The following IQCH variants were observed in gnomAD, a reference collection of about 807,000 sequenced individuals.
IQCH encodes the protein IQ domain-containing protein H.
A neutral mutation model predicts 117.0 loss-of-function variants in IQCH; 98 were observed. The ratio of observed to expected loss-of-function variants is 0.84; its 90% CI spans 0.71 to 0.99. IQCH has a LOEUF of 0.99. IQCH is among the 50% of genes least tolerant of loss of function. IQCH has a pLI of 0.00. For missense variants in IQCH, 1,102 were observed against 1,243.8 expected (o/e 0.89, Z 1.72); for synonymous variants, 412 against 448.2 (o/e 0.92, Z 1.02).
At chr15:67,267,645 C>T in intron 3 of IQCH, among the ~76,000 whole-genome samples, 1 of 152,116 alleles carries the variant, frequency 6.6e-6, no homozygotes, top group Non-Finnish European at 1.5e-5. Context: ...TATCAGAGGC[C>T]AAAAGTCCCA....
chr15:67,278,206 A>G (rs182392609), intron 3 of IQCH, among the ~76,000 whole-genome samples: 177 of 152,306 alleles, frequency 1.2e-3, no homozygotes, highest in African/African-American at 3.9e-3. Context: ...AACGGAACGA[A>G]GAACAGAACG....
At chr15:67,317,117 A>G (rs1328281504) in intron 4 of IQCH, among the ~76,000 whole-genome samples, 1 of 152,270 alleles carries the variant, frequency 6.6e-6, no homozygotes, top group East Asian at 1.9e-4. Context: ...TCAGAATGCC[A>G]TATAAATTTG....
rs1255042658 is a variant in IQCH at position 67,404,205 on chromosome 15, GAGA to G, written c.2097+3905_2097+3907del. 2 of 152,210 alleles carry G rather than the reference GAGA, an allele frequency of 1.3e-5. No homozygotes were observed. The highest frequency in any genetic ancestry group is 4.8e-5 in the African/African-American group (2 of 41,450). 9.4% of individuals were successfully genotyped at this position (152,210 alleles called of 1,614,324 possible). On this transcript the variant is annotated intron_variant, in intron 14 of 20. Transcript: ENST00000335894. The surrounding 1 kb of genome is among the most constrained non-coding windows in gnomAD (Gnocchi z 4.6). ...ATTAATTTGGGGATCACAAAGGTAGGAGAAGAACTATGCCTGGAAAAGGTAGAA... is the reference window on the plus strand; with the variant it reads ...ATTAATTTGGGGATCACAAAGGTAGGAGAACTATGCCTGGAAAAGGTAGAA...
In IQCH at chr15:67,475,908, T is replaced by C. The variant is rs958375098; in HGVS notation, c.2799+90T>C. On this transcript the variant is annotated intron_variant, in intron 18 of 20. Coordinates refer to ENST00000335894, the MANE Select transcript of IQCH (RefSeq NM_001031715.3). This position sits in a 1 kb window ranked among gnomAD's most constrained non-coding sequence, Gnocchi z 5.7. Reference sequence around the variant, plus strand: ...ATAATTTGGTGCCCCTTCAGATAGATATTCTTTAAATACCGGTTTGACGTG... The same window carrying C: ...ATAATTTGGTGCCCCTTCAGATAGACATTCTTTAAATACCGGTTTGACGTG... 20 of 1,165,928 alleles carry C rather than the reference T, an allele frequency of 1.7e-5. No individual in the cohort carries two copies. Among genetic ancestry groups the C allele is most frequent in the Non-Finnish European group, 2.3e-5 (18 of 799,446 alleles). 72.2% of individuals were successfully genotyped at this position (1,165,928 alleles called of 1,614,324 possible).
At chr15:67,310,240 T>C (rs1967518777) in intron 4 of IQCH, among the ~76,000 whole-genome samples, 1 of 152,118 alleles carries the variant, frequency 6.6e-6, no homozygotes, top group Non-Finnish European at 1.5e-5. Context: ...CATATTTCAA[T>C]TGATGCCAAA....
In IQCH at chr15:67,454,630, T is replaced by A. The variant is rs931183992; in HGVS notation, c.2506-10497T>A. Among the ~76,000 whole-genome samples, 1 of 152,214 alleles carries A rather than the reference T, an allele frequency of 6.6e-6. No individual in the cohort carries two copies. The highest frequency in any genetic ancestry group is 6.5e-5 in the Admixed American group (1 of 15,282). ...TCCATGGATTTCCCTATTCTAGGCA[T>A]TTTATATAAATGAGATCATACAATA... On this transcript the variant is annotated intron_variant, in intron 16 of 20. Coordinates refer to ENST00000335894, the MANE Select transcript of IQCH (RefSeq NM_001031715.3). The surrounding 1 kb of genome is among the most constrained non-coding windows in gnomAD (Gnocchi z 5.2).
intron 13 of IQCH, among the ~76,000 whole-genome samples, chr15:67,397,451 T>C (rs986586928): frequency 6.6e-6 from 1 of 152,218 alleles, no homozygotes; most frequent in Non-Finnish European, 1.5e-5. Flanking sequence ...TTCACTGAGT[T>C]CTACTCTACT....
rs903905537 is a variant in IQCH, at chr15:67,389,079, A to G, written c.1632+73A>G. 14 of 1,123,154 alleles carry G rather than the reference A, an allele frequency of 1.2e-5. No individual in the cohort carries two copies. In the African/African-American group the frequency reaches 2.0e-4, roughly 16 times the overall value. 69.6% of individuals were successfully genotyped at this position (1,123,154 alleles called of 1,614,324 possible). A position where few individuals can be genotyped will look rare whatever the true frequency, so the allele number is the denominator to read the frequency against. On this transcript the variant is annotated intron_variant, in intron 12 of 20. Transcript: ENST00000335894. ...AAATTGGAAATTTTAATAACTTGCAACGCTCTGGTACACATCAGTGAAATA... is the reference window on the plus strand; with the variant it reads ...AAATTGGAAATTTTAATAACTTGCAGCGCTCTGGTACACATCAGTGAAATA...
chr15:67,339,390 GA>G (rs1202356382), intron 5 of IQCH, among the ~76,000 whole-genome samples: 2 of 152,120 alleles, frequency 1.3e-5, no homozygotes, highest in Non-Finnish European at 2.9e-5. Context: ...CAGTTCAAAA[GA>G]AAATCCAAAG....
At position 67,436,830 on chromosome 15, in the gene IQCH, C is replaced by T. The variant is rs1028467895; in HGVS notation, c.2505+15253C>T. 2.0e-5 allele frequency among the ~76,000 whole-genome samples: 3 copies of T among 152,060 alleles called. No homozygotes were observed. The highest frequency in any genetic ancestry group is 4.4e-5 in the Non-Finnish European group (3 of 68,010). On this transcript the variant is annotated intron_variant, in intron 16 of 20. Coordinates refer to ENST00000335894, the MANE Select transcript of IQCH (RefSeq NM_001031715.3). The surrounding 1 kb of genome is among the most constrained non-coding windows in gnomAD (Gnocchi z 5.1). ...ATGACTCAGCAGAGGCAGCCATAAT[C>T]CTCCTAGGTACACAACTCCAGTGAC...
intron 4 of IQCH, among the ~76,000 whole-genome samples, chr15:67,302,020 G>A (rs936821360): frequency 1.8e-4 from 27 of 152,002 alleles, no homozygotes; most frequent in African/African-American, 6.3e-4. Context: ...GGATTTTAAG[G>A]CCAGTTTTAA....
chr15:67,416,110 C>T lies in IQCH; in HGVS notation c.2098-821C>T, dbSNP rs1021219097. 5.3e-5 allele frequency among the ~76,000 whole-genome samples: 8 copies of T among 152,182 alleles called. No individual in the cohort carries two copies. In the East Asian group the frequency reaches 5.8e-4, roughly 11 times the overall value. On this transcript the variant is annotated intron_variant, in intron 14 of 20. Transcript: ENST00000335894. The surrounding 1 kb of genome is among the most constrained non-coding windows in gnomAD (Gnocchi z 5.1). ...AAAAATATATGGAGGTGTCCAGGTG[C>T]GGTGGCTCACACCTGTAATCCCAAC...
intron 20 of IQCH, among the ~76,000 whole-genome samples, chr15:67,495,041 G>A (rs781675332): frequency 5.9e-5 from 9 of 152,230 alleles, no homozygotes; most frequent in Admixed American, 2.6e-4. Flanking sequence ...TGATCACGTG[G>A]TATTGAACAG....
chr15:67,431,073 T>G lies in IQCH; in HGVS notation c.2505+9496T>G, dbSNP rs556990392. 1.4e-4 allele frequency among the ~76,000 whole-genome samples: 21 copies of G among 152,240 alleles called. No individual in the cohort carries two copies. Among genetic ancestry groups the G allele is most frequent in the South Asian group, 4.2e-4 (2 of 4,816 alleles). On this transcript the variant is annotated intron_variant, in intron 16 of 20. Coordinates refer to ENST00000335894, the MANE Select transcript of IQCH (RefSeq NM_001031715.3). The surrounding 1 kb of genome is among the most constrained non-coding windows in gnomAD (Gnocchi z 4.8). ...GATATGAGGAGGGTAAGAAAGAGTG[T>G]ATTCCAAGTGAGAAACAGGCTCACT...
At chr15:67,358,207 C>CTCTTTTTTTTTTTTTTTTTTTTTTT (rs768931234) in intron 7 of IQCH, among the ~76,000 whole-genome samples, 2 of 10,450 alleles carry the variant, frequency 1.9e-4, no homozygotes, top group Non-Finnish European at 3.4e-4. Context: ...ACTTTCTTTT[C>CTCTTTTTTTTTTTTTTTTTTTTTTT]TTTTTTTTTT....
chr15:67,385,072 G>A lies in IQCH; in HGVS notation c.1456+53G>A, dbSNP rs1224541145. 2 of 1,101,966 alleles carry A rather than the reference G, an allele frequency of 1.8e-6. No homozygotes were observed. The highest frequency in any genetic ancestry group is 2.8e-6 in the Non-Finnish European group (2 of 723,634). 68.3% of individuals were successfully genotyped at this position (1,101,966 alleles called of 1,614,324 possible). ...CTCTTTGGAATGTTTATCAGTGGAT[G>A]TTGATAGAATGTGTTGTTTTGTTTG... On this transcript the variant is annotated intron_variant, in intron 11 of 20. Transcript: ENST00000335894. This position sits in a 1 kb window ranked among gnomAD's most constrained non-coding sequence, Gnocchi z 4.6.
chr15:67,371,880 AT>A (rs1321297833), intron 8 of IQCH, among the ~76,000 whole-genome samples: 10 of 152,196 alleles, frequency 6.6e-5, no homozygotes, highest in African/African-American at 2.2e-4. Flanking sequence ...TAACACTTTT[AT>A]AAAAATGTTA....
chr15:67,298,880 C>T (rs923336540), intron 4 of IQCH, among the ~76,000 whole-genome samples: 4 of 151,938 alleles, frequency 2.6e-5, no homozygotes, highest in Admixed American at 6.6e-5. Context: ...ACAACAACAA[C>T]AACTAAAAAT....
chr15:67,302,016 T>G lies in IQCH; in HGVS notation c.387+22504T>G, dbSNP rs112509831. On this transcript the variant is annotated intron_variant, in intron 4 of 20. Coordinates refer to ENST00000335894, the MANE Select transcript of IQCH (RefSeq NM_001031715.3). ...CAATAGGCAGAACACTACAGGATTT[T>G]AAGGCCAGTTTTAACAGTGATTCTG... Among the ~76,000 whole-genome samples, 863 of 152,256 alleles carry G rather than the reference T, an allele frequency of 5.7e-3. 7 individuals are homozygous for G. The highest frequency in any genetic ancestry group is 0.02 in the African/African-American group (816 of 41,552).
Sources: allele counts gnomAD v4.1 joint callset (sites outside exome capture counted in the v4.1 genomes callset), GRCh38; gene constraint gnomAD v4.1.1; non-coding constraint Gnocchi (gnomAD v3.1); transcripts MANE v1.5; gene names NCBI Gene and HGNC (gene_info 2026-07-23, HGNC 2026-07-21).